RNF38: variants seen among roughly 807,000 people sequenced by gnomAD.
The protein encoded by RNF38 is ring finger protein 38.
Under a neutral mutation model 67.2 loss-of-function variants are expected in RNF38, and 15 were observed. That is an observed-to-expected ratio of 0.22 (90% CI 0.15 to 0.34). The LOEUF is 0.34. RNF38 is among the 10% of genes least tolerant of loss of function. The pLI, the probability that RNF38 is intolerant of heterozygous loss-of-function variation, is 1.00. For synonymous variants in RNF38, 220 were observed against 218.8 expected (o/e 1.01, Z -0.05); for missense variants, 524 against 639.9 (o/e 0.82, Z 1.95).
At chr9:36,351,040 G>T in intron 9 of RNF38, 75 bp downstream of exon 9, 2 of 1,072,014 alleles carry the variant, frequency 1.9e-6, no homozygotes, top group Non-Finnish European at 2.8e-6. Context: ...GACACCTGTG[G>T]TTTAAAGAGT....
At chr9:36,348,029 T>C (rs977663802) in intron 9 of RNF38, among the ~76,000 whole-genome samples, 7 of 151,918 alleles carry the variant, frequency 4.6e-5, no homozygotes, top group South Asian at 2.1e-4. Context: ...TGAGCCGAGA[T>C]TGCGCCACGG....
chr9:36,384,804 T>C (rs1305619195), intron 2 of RNF38, among the ~76,000 whole-genome samples: 2 of 152,258 alleles, frequency 1.3e-5, no homozygotes, highest in East Asian at 3.8e-4. Flanking sequence ...CAAGCAATTT[T>C]CTTATTTTAG....
intron 9 of RNF38, among the ~76,000 whole-genome samples, chr9:36,346,929 T>C (rs1188072644): frequency 6.6e-6 from 1 of 151,900 alleles, no homozygotes; most frequent in African/African-American, 2.4e-5. Flanking sequence ...ACCCACCTGG[T>C]CAACACGGTG....
intron 4 of RNF38, 64 bp downstream of exon 4, chr9:36,369,655 A>T: frequency 1.4e-6 from 2 of 1,396,472 alleles, no homozygotes; most frequent in Non-Finnish European, 1.9e-6. Flanking sequence ...AAGCCAAAAA[A>T]AAAAAATCTC....
intron 1 of RNF38, among the ~76,000 whole-genome samples, chr9:36,453,340 C>T (rs1176896256): frequency 6.6e-6 from 1 of 151,860 alleles, no homozygotes; most frequent in Non-Finnish European, 1.5e-5. Context: ...TCAGCTTCTC[C>T]AGTAGCTGGG....
In RNF38 at chr9:36,477,821, C is replaced by CA. The variant is rs34504795; in HGVS notation, n.241+9486dup. 5.3e-4 allele frequency among the ~76,000 whole-genome samples: 58 copies of CA among 110,380 alleles called. 2 individuals carry two copies. The highest frequency in any genetic ancestry group is 5.3e-3 in the Middle Eastern group (1 of 190). 72.4% of individuals were successfully genotyped at this position (110,380 alleles called of 152,430 possible). A position where few individuals can be genotyped will look rare whatever the true frequency, so the allele number is the denominator to read the frequency against. On this transcript the variant is annotated intron_variant and non_coding_transcript_variant, in intron 1 of 3. Transcript: ENST00000488058. ...TGGGCGACAGAGGGAGACTCTGTCT[C>CA]AAAAAAAAAAAAAAAGAAAGAAAAA... is the stretch of plus-strand genomic sequence containing the variant.
In RNF38 at chr9:36,337,168, T is replaced by A. The variant is rs1178771778; in HGVS notation, c.*2584A>T. On this transcript the variant is annotated 3_prime_UTR_variant, in exon 12 of 12. Transcript: ENST00000259605. ...AAGGTGACCAATGGCTGGGCACAAATAAACTTCTCTTTTGCTAGCCACAGA... is the reference window on the plus strand; with the variant it reads ...AAGGTGACCAATGGCTGGGCACAAAAAAACTTCTCTTTTGCTAGCCACAGA... 6.6e-6 allele frequency: 1 copy of A among 152,198 alleles called. No homozygotes were observed. The highest frequency in any genetic ancestry group is 2.4e-5 in the African/African-American group (1 of 41,446). The allele number at this position is 152,198 out of a possible 1,614,324, so 9.4% of individuals were successfully genotyped here.
Position 36,345,068 on chromosome 9 carries a change from G to A in RNF38, c.1264-115C>T. 5 of 1,088,750 alleles carry A rather than the reference G, an allele frequency of 4.6e-6. No homozygotes were observed. The South Asian group carries it at 6.9e-5, about 15-fold the overall frequency. 67.4% of individuals were successfully genotyped at this position (1,088,750 alleles called of 1,614,324 possible). On this transcript the variant is annotated intron_variant, in intron 9 of 11. Transcript: ENST00000259605. ...TTGCCCAGGCTAGAGTATAGCGGCT[G>A]TTCACAGGCATGATCATTGTGCACT...
chr9:36,420,648 C>T (rs1838601010), intron 2 of RNF38, among the ~76,000 whole-genome samples: 1 of 151,990 alleles, frequency 6.6e-6, no homozygotes, highest in African/African-American at 2.4e-5. Flanking sequence ...TCTTGCCTTT[C>T]CCCACTCACA....
chr9:36,477,830 A>AAAAT (rs1011362493), intron 1 of RNF38, among the ~76,000 whole-genome samples: 11 of 147,376 alleles, frequency 7.5e-5, no homozygotes, highest in Non-Finnish European at 1.3e-4. Flanking sequence ...TCAAAAAAAA[A>AAAAT]AAAAAAGAAA....
intron 2 of RNF38, among the ~76,000 whole-genome samples, chr9:36,422,427 A>T (rs555251409): frequency 6.7e-6 from 1 of 149,896 alleles, no homozygotes; most frequent in South Asian, 2.1e-4. Context: ...CCCACCAAAA[A>T]ACAAAAAAAA....
intron 1 of RNF38, among the ~76,000 whole-genome samples, chr9:36,443,320 G>A (rs1184902116): frequency 6.6e-6 from 1 of 152,134 alleles, no homozygotes; most frequent in Non-Finnish European, 1.5e-5. Context: ...TGTGCCTAGA[G>A]CTTTAATAGA....
chr9:36,476,519 C>CTTT lies in RNF38; in HGVS notation n.241+10786_241+10788dup, dbSNP rs67780076. ...TCTTTTTAATGGACTATCGGGCAATCTTTTTTTTTTTTTTTTTTTTTGAGA... is the reference window on the plus strand; with the variant it reads ...TCTTTTTAATGGACTATCGGGCAATCTTTTTTTTTTTTTTTTTTTTTTTTGAGA... On this transcript the variant is annotated intron_variant and non_coding_transcript_variant, in intron 1 of 3. Coordinates refer to the RNF38 transcript ENST00000488058. Among the ~76,000 whole-genome samples the CTTT allele has an allele frequency of 2.0e-3, 185 of 94,112 alleles. 8 individuals are homozygous for CTTT. Among genetic ancestry groups the CTTT allele is most frequent in the African/African-American group, 7.0e-3 (176 of 25,180 alleles). 61.7% of individuals were successfully genotyped at this position (94,112 alleles called of 152,430 possible). A position where few individuals can be genotyped will look rare whatever the true frequency, so the allele number is the denominator to read the frequency against.
intron 1 of RNF38, among the ~76,000 whole-genome samples, chr9:36,462,590 C>A (rs1048017494): frequency 1.3e-5 from 2 of 152,152 alleles, no homozygotes; most frequent in African/African-American, 4.8e-5. Flanking sequence ...AGGGCTTCTG[C>A]ACTTAAAACA....
chr9:36,382,652 C>G (rs988280176), intron 2 of RNF38, among the ~76,000 whole-genome samples: 20 of 152,306 alleles, frequency 1.3e-4, no homozygotes, highest in African/African-American at 4.6e-4. Context: ...TACAACATGC[C>G]TCTAATGGCA....
intron 1 of RNF38, among the ~76,000 whole-genome samples, chr9:36,477,855 G>A (rs1190787754): frequency 6.7e-6 from 1 of 150,094 alleles, no homozygotes; most frequent in Admixed American, 6.7e-5. Context: ...AAAGGATAGC[G>A]TAGTTGTCAC....
chr9:36,388,470 G>T (rs979799965), intron 2 of RNF38, among the ~76,000 whole-genome samples: 5 of 151,976 alleles, frequency 3.3e-5, no homozygotes, highest in African/African-American at 1.2e-4. Flanking sequence ...ATAAATAATA[G>T]ATATGACTGA....
At chr9:36,415,979 A>G (rs1022153990) in intron 2 of RNF38, among the ~76,000 whole-genome samples, 3 of 152,000 alleles carry the variant, frequency 2.0e-5, no homozygotes, top group Admixed American at 6.6e-5. Context: ...CATCGACTGC[A>G]GTAGTACGGG....
intron 1 of RNF38, among the ~76,000 whole-genome samples, chr9:36,469,609 C>T (rs1307591390): frequency 6.6e-6 from 1 of 151,930 alleles, no homozygotes; most frequent in Admixed American, 6.6e-5. Context: ...TGTGGTGAGC[C>T]AAGATGGCGC....
Sources: gnomAD v4.1 joint callset for allele counts (sites outside exome capture counted in the v4.1 genomes callset) on GRCh38, gnomAD v4.1.1 for gene constraint, MANE v1.5 for transcripts, NCBI Gene and HGNC (gene_info 2026-07-23, HGNC 2026-07-21) for gene names.